ETV3: variants seen among roughly 807,000 people sequenced by gnomAD.
The protein encoded by ETV3 is ETS variant transcription factor 3.
Under a neutral mutation model 33.0 loss-of-function variants are expected in ETV3, and 8 were observed. The observed-to-expected ratio is 0.24, with a 90% CI of 0.14 to 0.44. ETV3 has a LOEUF of 0.44. ETV3 is among the 20% of genes least tolerant of loss of function. The pLI is 1.00. For synonymous variants in ETV3, 222 were observed against 238.9 expected (o/e 0.93, Z 0.65); for missense variants, 473 against 652.3 (o/e 0.73, Z 2.99).
chr1:157,127,657 T>G (rs1383310534), intron 4 of ETV3, among the ~76,000 whole-genome samples: 1 of 152,072 alleles, frequency 6.6e-6, no homozygotes, highest in Non-Finnish European at 1.5e-5. Flanking sequence ...GTGATTCTTG[T>G]GCCTCAGCTT....
intron 3 of ETV3, chr1:157,135,126 A>T: frequency 3.1e-6 from 1 of 319,330 alleles, no homozygotes; most frequent in South Asian, 5.9e-5. Context: ...ATTCTAACAG[A>T]TTCTAATAGA....
chr1:157,125,773 G>A lies in ETV3; in HGVS notation c.607C>T (p.Arg203Cys), dbSNP rs748464669. 7.3e-5 allele frequency: 114 copies of A among 1,551,534 alleles called. No homozygotes were observed. The highest frequency in any genetic ancestry group is 5.0e-4 in the Middle Eastern group (3 of 6,012). The change falls in exon 5 of 5, where the codon CGC becomes TGC. Residue 203 changes from arginine (R) to cysteine (C), a missense_variant. Physicochemically the swap from Arg to Cys is radical, Grantham distance 180. Transcript: ENST00000368192. The surrounding 1 kb of genome is among the most constrained non-coding windows in gnomAD (Gnocchi z 4.0). ...GAGGACACGGGATCCACACCCCGGCGCCAGTCAGCAGCTGAGCCATCCTCC... is the reference window on the plus strand; with the variant it reads ...GAGGACACGGGATCCACACCCCGGCACCAGTCAGCAGCTGAGCCATCCTCC... ...ELEDGSAADWRRGVDPVSSRN... is the reference protein window; with the variant it reads ...ELEDGSAADWCRGVDPVSSRN...
Position 157,121,252 on chromosome 1 carries a change from A to G in ETV3, c.*3589T>C, listed in dbSNP as rs1435720544. On this transcript the variant is annotated 3_prime_UTR_variant, in exon 5 of 5. Transcript: ENST00000368192. ...AAAATACTTTTTTCTTTCAACTTCC[A>G]TAACAAAATACAGAGCTATCAGATA... 5 of 152,002 alleles carry G rather than the reference A, an allele frequency of 3.3e-5. No homozygotes were observed. In the East Asian group the frequency reaches 5.8e-4, roughly 18 times the overall value. 9.4% of individuals were successfully genotyped at this position (152,002 alleles called of 1,614,324 possible).
chr1:157,134,858 T>C (rs189428268), intron 3 of ETV3, among the ~76,000 whole-genome samples: 66 of 152,322 alleles, frequency 4.3e-4, no homozygotes, highest in African/African-American at 1.6e-3. Context: ...TAGTCTTACA[T>C]CTATGCAGTA....
At chr1:157,129,333 C>T (rs1202309558) in intron 4 of ETV3, among the ~76,000 whole-genome samples, 4 of 152,322 alleles carry the variant, frequency 2.6e-5, no homozygotes, top group East Asian at 3.9e-4. Context: ...TTAAACTTCA[C>T]TCTTGAATTC....
chr1:157,135,756 T>C (rs549197129), intron 2 of ETV3, 48 bp from the exon 3 acceptor site: 136 of 1,573,756 alleles, frequency 8.6e-5, no homozygotes, highest in South Asian at 2.5e-4. Context: ...GGTAGGTACA[T>C]ACATACCAGC....
intron 4 of ETV3, among the ~76,000 whole-genome samples, chr1:157,131,489 C>T (rs747657386): frequency 2.6e-5 from 4 of 152,084 alleles, no homozygotes; most frequent in East Asian, 1.9e-4. Context: ...CTGTAAGTTC[C>T]GTGAGGTAAA....
intron 4 of ETV3, among the ~76,000 whole-genome samples, chr1:157,130,122 G>A (rs530768168): frequency 2.6e-5 from 4 of 152,232 alleles, no homozygotes; most frequent in African/African-American, 7.2e-5. Context: ...GATTACAGGC[G>A]TGAGCCACTG....
intron 4 of ETV3, among the ~76,000 whole-genome samples, chr1:157,126,562 C>CA (rs1401027732): frequency 6.6e-6 from 1 of 152,230 alleles, no homozygotes; most frequent in African/African-American, 2.4e-5. Flanking sequence ...ATAGTTGCTA[C>CA]AAGAGGACAT....
intron 1 of ETV3, 95 bp from the exon 2 acceptor site, chr1:157,136,460 CCT>C (rs554280200): frequency 1.7e-4 from 194 of 1,129,160 alleles, no homozygotes; most frequent in South Asian, 7.0e-4. Flanking sequence ...CTTCCTTTCC[CCT>C]GTTCTTCTTT....
Position 157,125,649 on chromosome 1 carries a change from T to TG in ETV3, c.730dup (p.His244ProfsTer17). On this transcript the variant is annotated frameshift_variant, in exon 5 of 5. Transcript: ENST00000368192. LOFTEE classifies it high-confidence loss of function. This position sits in a 1 kb window ranked among gnomAD's most constrained non-coding sequence, Gnocchi z 4.0. The stretch of plus-strand genomic sequence containing the variant: ...GATTGGAGAGACAGCGAAGGGACTG[T>TG]GGGGGTCAGGGTACATCCCTGGCCT... 6.4e-7 allele frequency: 1 copy of TG among 1,551,554 alleles called. No homozygotes were observed. The highest frequency in any genetic ancestry group is 1.4e-5 in the African/African-American group (1 of 73,076).
intron 3 of ETV3, among the ~76,000 whole-genome samples, chr1:157,134,475 C>T (rs1287773828): frequency 6.6e-6 from 1 of 152,246 alleles, no homozygotes; most frequent in Non-Finnish European, 1.5e-5. Flanking sequence ...AGATTCTGAA[C>T]ACTTATCCTA....
rs943987500 is a variant in ETV3, at chr1:157,134,125, G to A, written c.387C>T (p.Asn129=). ...TTTGTATCTTACCACTTGACCGAATGTTGATGAATGGGTAGTTGGGCATCA... is the reference window on the plus strand; with the variant it reads ...TTTGTATCTTACCACTTGACCGAATATTGATGAATGGGTAGTTGGGCATCA... ...KLVMPNYPFI[N]IRSSGVVPQS... The change falls in exon 4 of 5, where the codon AAC becomes AAT. Residue 129 remains asparagine, a synonymous_variant. Coordinates refer to ENST00000368192, the MANE Select transcript of ETV3 (RefSeq NM_001145312.3). The A allele has an allele frequency of 2.0e-5, 32 of 1,613,678 alleles. No homozygotes were observed. Among genetic ancestry groups the A allele is most frequent in the Non-Finnish European group, 2.5e-5 (29 of 1,179,904 alleles).
chr1:157,134,352 TTCG>T (rs1675043967), intron 3 of ETV3, 125 bp from the exon 4 acceptor site: 28 of 1,274,340 alleles, frequency 2.2e-5, no homozygotes, highest in Non-Finnish European at 2.9e-5. Flanking sequence ...CTACCAATCT[TTCG>T]CAGCCTGGCC....
rs528617745 is a variant in ETV3 at position 157,137,868 on chromosome 1, T to C, written c.-14+448A>G. ...GAGCCCTGGGGCGCCTCTGCACGCC[T>C]TTCGCATATTCACTGCAAGGACACT... On this transcript the variant is annotated intron_variant, in intron 1 of 4. Coordinates refer to ENST00000368192, the MANE Select transcript of ETV3 (RefSeq NM_001145312.3). 2.0e-5 allele frequency among the ~76,000 whole-genome samples: 3 copies of C among 152,298 alleles called. No individual in the cohort carries two copies. The East Asian group carries it at 5.8e-4, about 29-fold the overall frequency.
rs1571702620 is a variant in ETV3 at position 157,135,353 on chromosome 1, A to G, written c.284+118T>C. 22 of 1,229,428 alleles carry G rather than the reference A, an allele frequency of 1.8e-5. No individual in the cohort carries two copies. In the East Asian group the frequency reaches 5.2e-4, roughly 29 times the overall value. 76.2% of individuals were successfully genotyped at this position (1,229,428 alleles called of 1,614,324 possible). On this transcript the variant is annotated intron_variant, in intron 3 of 4. Transcript: ENST00000368192. ...TTCTACTCCCACTTTAAAGTGACAC[A>G]TTATTCACTAAGATAGTGTAGTCTT...
Position 157,124,754 on chromosome 1 carries a change from T to TGGGGGCCC in ETV3, c.*86_*87insGGGCCCCC. The TGGGGGCCC allele has an allele frequency of 3.0e-6, 1 of 328,824 alleles. No homozygotes were observed. Among genetic ancestry groups the TGGGGGCCC allele is most frequent in the Non-Finnish European group, 5.9e-6 (1 of 168,370 alleles). 20.4% of individuals were successfully genotyped at this position (328,824 alleles called of 1,614,324 possible). ...CCTAGAATGATCAAACCAGTTTAAC[T>TGGGGGCCC]CCCTCCCCCCCACCCTGAAATCTTG... On this transcript the variant is annotated 3_prime_UTR_variant, in exon 5 of 5. Coordinates refer to ENST00000368192, the MANE Select transcript of ETV3 (RefSeq NM_001145312.3).
chr1:157,134,746 C>T (rs1224153628), intron 3 of ETV3, among the ~76,000 whole-genome samples: 2 of 152,182 alleles, frequency 1.3e-5, no homozygotes, highest in Non-Finnish European at 2.9e-5. Flanking sequence ...TAGTGTGGCC[C>T]GCCTCACCTT....
chr1:157,130,608 A>T lies in ETV3; in HGVS notation c.400+3504T>A, dbSNP rs186447615. Among the ~76,000 whole-genome samples the T allele has an allele frequency of 4.9e-4, 74 of 152,236 alleles. 1 individual carries two copies. The highest frequency in any genetic ancestry group is 1.7e-3 in the African/African-American group (69 of 41,538). ...TTCATAAGGTCCTTGCCTAGGTTCC[A>T]ATCTTGGTCCTACCACTTACTAGTT... is the stretch of plus-strand genomic sequence containing the variant. On this transcript the variant is annotated intron_variant, in intron 4 of 4. Coordinates refer to ENST00000368192, the MANE Select transcript of ETV3 (RefSeq NM_001145312.3).
Sources: gnomAD v4.1 joint callset for allele counts (sites outside exome capture counted in the v4.1 genomes callset) on GRCh38, gnomAD v4.1.1 for gene constraint, Gnocchi (gnomAD v3.1) non-coding constraint, MANE v1.5 for transcripts, NCBI Gene and HGNC (gene_info 2026-07-23, HGNC 2026-07-21) for gene names.